Variants in CHD2 observed in about 807,000 individuals in gnomAD.
CHD2 encodes the protein chromodomain helicase DNA binding protein 2.
In CHD2, 28 loss-of-function variants were observed where a neutral mutation model predicts 243.9. The ratio of observed to expected loss-of-function variants is 0.11; its 90% CI spans 0.09 to 0.16. The LOEUF (loss-of-function observed/expected upper bound fraction) is 0.16. Ranked by LOEUF, CHD2 falls within the 10% of genes least tolerant of loss-of-function variation. The pLI, the probability that CHD2 is intolerant of heterozygous loss-of-function variation, is 1.00. For missense variants in CHD2, 1,386 were observed against 2,209.8 expected (o/e 0.63, Z 7.47); for synonymous variants, 775 against 779.0 (o/e 0.99, Z 0.09).
At chr15:92,929,896 AT>A (rs2053134057) in intron 5 of CHD2, among the ~76,000 whole-genome samples, 1 of 152,050 alleles carries the variant, frequency 6.6e-6, no homozygotes, top group African/African-American at 2.4e-5. Flanking sequence ...GTCATTTGAG[AT>A]TTTAAAACCC....
At chr15:93,021,203 G>GT (rs1263538306) in intron 38 of CHD2, 1 of 152,114 alleles carries the variant, frequency 6.6e-6, no homozygotes. Flanking sequence ...TGGCTTTACA[G>GT]TTTCTTTCAG....
At position 92,980,924 on chromosome 15, in the gene CHD2, G is replaced by A. The variant is rs2053970715; in HGVS notation, c.2973+13G>A. The A allele has an allele frequency of 1.9e-6, 3 of 1,583,968 alleles. No homozygotes were observed. The highest frequency in any genetic ancestry group is 1.1e-5 in the South Asian group (1 of 90,028). On this transcript the variant is annotated intron_variant, in intron 23 of 38. Coordinates refer to ENST00000394196, the MANE Select transcript of CHD2 (RefSeq NM_001271.4). ...ATCAGAACCTCAGGTAATTAACAAT[G>A]AGGAGAGGGAAATTTTTTTGAGAAG...
At chr15:93,000,959 C>T (rs879305317) in intron 32 of CHD2, among the ~76,000 whole-genome samples, 1 of 152,224 alleles carries the variant, frequency 6.6e-6, no homozygotes, top group Non-Finnish European at 1.5e-5. Context: ...ATCTCTGCCT[C>T]CCAGGTTCAA....
rs76581652 is a variant in CHD2 at position 92,972,533 on chromosome 15, T to G, written c.2505+116T>G. The G allele has an allele frequency of 5.1e-5, 49 of 964,760 alleles. No homozygotes were observed. The African/African-American group carries it at 7.6e-4, about 15-fold the overall frequency. 59.8% of individuals were successfully genotyped at this position (964,760 alleles called of 1,614,324 possible). A position where few individuals can be genotyped will look rare whatever the true frequency, so the allele number is the denominator to read the frequency against. ...CTTGTTAAAGTAGGAAGTAAGAGTT[T>G]TCTTGTTTCAAAGAAGTTAAGGTTA... is the stretch of plus-strand genomic sequence containing the variant. On this transcript the variant is annotated intron_variant, in intron 19 of 38. Transcript: ENST00000394196.
rs753547650 is a variant in CHD2 at position 92,998,492 on chromosome 15, G to T, written c.3886-7G>T. The T allele has an allele frequency of 1.2e-6, 2 of 1,613,732 alleles. No individual in the cohort carries two copies. Among genetic ancestry groups the T allele is most frequent in the South Asian group, 1.1e-5 (1 of 91,076 alleles). On this transcript the variant is annotated splice_polypyrimidine_tract_variant and splice_region_variant and intron_variant, in intron 30 of 38. Transcript: ENST00000394196. The surrounding 1 kb of genome is among the most constrained non-coding windows in gnomAD (Gnocchi z 5.1). ...TGGCGGGTGCTTCTCTTCCTTTCTT[G>T]TTGAAGATTCTGCCGGTGGAGACAG...
chr15:93,012,591 G>A (rs569383866), intron 36 of CHD2, 147 bp downstream of exon 36: 2 of 554,064 alleles, frequency 3.6e-6, no homozygotes, highest in South Asian at 5.0e-5. Flanking sequence ...CCAGATGGGT[G>A]AAATAGCCAA....
Position 92,985,587 on chromosome 15 carries a change from T to C in CHD2, c.3327T>C (p.Asp1109=), listed in dbSNP as rs780162861. 3 of 1,613,974 alleles carry C rather than the reference T, an allele frequency of 1.9e-6. No individual in the cohort carries two copies. The highest frequency in any genetic ancestry group is 2.7e-5 in the African/African-American group (2 of 74,920). The change falls in exon 26 of 39, where the codon GAT becomes GAC. Residue 1109 remains aspartate, a synonymous_variant. Coordinates refer to ENST00000394196, the MANE Select transcript of CHD2 (RefSeq NM_001271.4). Reference sequence around the variant, plus strand: ...CTGAGAGTGAAACGGAAGACTCTGATGATGACAAGAAGCCAAAGCGCAGAG... The same window carrying C: ...CTGAGAGTGAAACGGAAGACTCTGACGATGACAAGAAGCCAAAGCGCAGAG... ...SASESETEDS[D]DDKKPKRRGR...
rs955874012 is a variant in CHD2, at chr15:92,998,431, C to G, written c.3886-68C>G. 1.1e-4 allele frequency: 176 copies of G among 1,600,522 alleles called. No homozygotes were observed. The highest frequency in any genetic ancestry group is 1.5e-4 in the Non-Finnish European group (172 of 1,172,088). ...GGACTGTGCTCAGTTTTTGTTGTCT[C>G]TGTTTATCCTGATCCACTAACCAGG... On this transcript the variant is annotated intron_variant, in intron 30 of 38. Coordinates refer to ENST00000394196, the MANE Select transcript of CHD2 (RefSeq NM_001271.4). This position sits in a 1 kb window ranked among gnomAD's most constrained non-coding sequence, Gnocchi z 5.1.
intron 2 of CHD2, among the ~76,000 whole-genome samples, chr15:92,923,349 T>C (rs2052995376): frequency 6.6e-6 from 1 of 151,612 alleles, no homozygotes; most frequent in Non-Finnish European, 1.5e-5. Context: ...CATCCTCGAC[T>C]TCCTAGGCTC....
At position 92,956,447 on chromosome 15, in the gene CHD2, T is replaced by C; in HGVS notation, c.1810-12T>C. On this transcript the variant is annotated splice_polypyrimidine_tract_variant and intron_variant, in intron 15 of 38. Coordinates refer to ENST00000394196, the MANE Select transcript of CHD2 (RefSeq NM_001271.4). The stretch of plus-strand genomic sequence containing the variant: ...TGACCTGGTGGCTCGTTCTGTTTTG[T>C]TTTTACTTTAGACTGTGCTGGGCAG... 6.2e-7 allele frequency: 1 copy of C among 1,603,044 alleles called. No homozygotes were observed. The highest frequency in any genetic ancestry group is 8.5e-7 in the Non-Finnish European group (1 of 1,177,072).
At chr15:92,976,746 A>T (rs2053914643) in intron 20 of CHD2, among the ~76,000 whole-genome samples, 1 of 151,776 alleles carries the variant, frequency 6.6e-6, no homozygotes. Context: ...ACAAAAAATT[A>T]AAAAATGAGC....
At chr15:92,967,598 G>GT (rs144172255) in intron 17 of CHD2, 85 bp downstream of exon 17, 50,185 of 605,536 alleles carry the variant, frequency 0.083, 3 homozygotes, top group Middle Eastern at 0.12. Flanking sequence ...ATATACTTTT[G>GT]TTTTTTTTTT....
At chr15:92,934,913 T>C (rs570513309) in intron 5 of CHD2, among the ~76,000 whole-genome samples, 1 of 152,212 alleles carries the variant, frequency 6.6e-6, no homozygotes, top group African/African-American at 2.4e-5. Context: ...TGATTGAAAG[T>C]AGCAGGGCTG....
chr15:92,903,566 A>G (rs1223513399), intron 2 of CHD2, among the ~76,000 whole-genome samples: 1 of 149,832 alleles, frequency 6.7e-6, no homozygotes, highest in East Asian at 1.9e-4. Context: ...TGAAAATTAA[A>G]AACTTTAAAA....
In CHD2 at chr15:93,009,288, C is replaced by T; in HGVS notation, c.4557C>T (p.Ala1519=). The T allele has an allele frequency of 6.2e-7, 1 of 1,614,218 alleles. No homozygotes were observed. Among genetic ancestry groups the T allele is most frequent in the Non-Finnish European group, 8.5e-7 (1 of 1,180,024 alleles). The change falls in exon 35 of 39, where the codon GCC becomes GCT. Residue 1519 remains alanine, a synonymous_variant. Coordinates refer to ENST00000394196, the MANE Select transcript of CHD2 (RefSeq NM_001271.4). ...IGDRIAECLK[A]YSDQEHIKLW... ...ACCGGATAGCCGAGTGCCTTAAAGC[C>T]TACTCAGATCAGGAGCACATCAAAC...
intron 17 of CHD2, among the ~76,000 whole-genome samples, chr15:92,969,346 G>A (rs1032968293): frequency 3.9e-5 from 6 of 152,174 alleles, no homozygotes; most frequent in African/African-American, 7.2e-5. Context: ...GGCCACCAGC[G>A]TTCCCCGCAA....
At chr15:92,948,913 G>A (rs553216589) in intron 12 of CHD2, 39 bp from the exon 13 acceptor site, 12 of 1,596,512 alleles carry the variant, frequency 7.5e-6, no homozygotes, top group Admixed American at 3.7e-5. Flanking sequence ...CATAGTAGCA[G>A]TAAGAACATT....
chr15:92,900,797 CT>C lies in CHD2; in HGVS notation c.-97del, dbSNP rs1398037152. On this transcript the variant is annotated 5_prime_UTR_variant, in exon 1 of 39. Transcript: ENST00000394196. Reference sequence around the variant, plus strand: ...TATTTTTCTACTAGTAGATAGGACTCTTGGTTTGGACATACTACATGGATCA... The same window carrying C: ...TATTTTTCTACTAGTAGATAGGACTCTGGTTTGGACATACTACATGGATCA... 3 of 395,012 alleles carry C rather than the reference CT, an allele frequency of 7.6e-6. No individual in the cohort carries two copies. Among genetic ancestry groups the C allele is most frequent in the Non-Finnish European group, 1.3e-5 (3 of 224,714 alleles). 24.5% of individuals were successfully genotyped at this position (395,012 alleles called of 1,614,324 possible).
chr15:93,012,071 T>C (rs924537645), intron 35 of CHD2, among the ~76,000 whole-genome samples: 5 of 152,200 alleles, frequency 3.3e-5, no homozygotes, highest in Non-Finnish European at 7.3e-5. Context: ...CACATAACGT[T>C]GTTTCCTTCA....
Sources: allele counts gnomAD v4.1 joint callset (sites outside exome capture counted in the v4.1 genomes callset), GRCh38; gene constraint gnomAD v4.1.1; non-coding constraint Gnocchi (gnomAD v3.1); transcripts MANE v1.5; gene names NCBI Gene and HGNC (gene_info 2026-07-23, HGNC 2026-07-21).